The following PPM1H variants were observed in gnomAD, a reference collection of about 807,000 sequenced individuals.
The protein encoded by PPM1H is protein phosphatase 1H.
In PPM1H, 27 loss-of-function variants were observed where a neutral mutation model predicts 54.9. The observed-to-expected ratio is 0.49, with a 90% CI of 0.36 to 0.68. The LOEUF is 0.68. Ranked by LOEUF, PPM1H falls within the 30% of genes least tolerant of loss-of-function variation. The probability of loss-of-function intolerance (pLI) is 0.00; values close to 1 mark genes in which losing one functional copy is unlikely to be tolerated. For missense variants in PPM1H, 596 were observed against 667.8 expected (o/e 0.89, Z 1.19); for synonymous variants, 305 against 270.8 (o/e 1.13, Z -1.24).
intron 4 of PPM1H, among the ~76,000 whole-genome samples, chr12:62,741,592 C>T (rs1230377350): frequency 6.6e-6 from 1 of 152,198 alleles, no homozygotes; most frequent in African/African-American, 2.4e-5. Context: ...GCTCAGAACG[C>T]CTTCTGTTGT....
chr12:62,684,649 A>C (rs1437192443), intron 8 of PPM1H, among the ~76,000 whole-genome samples: 1 of 152,106 alleles, frequency 6.6e-6, no homozygotes, highest in Non-Finnish European at 1.5e-5. Flanking sequence ...AAACTACCAG[A>C]CTGAGCTGGG....
intron 1 of PPM1H, among the ~76,000 whole-genome samples, chr12:62,907,767 A>T (rs142671940): frequency 6.6e-6 from 1 of 152,254 alleles, no homozygotes; most frequent in East Asian, 1.9e-4. Flanking sequence ...ACGTGTGACA[A>T]GCTCTCCATA....
At chr12:62,821,240 T>C (rs1274559972) in intron 2 of PPM1H, among the ~76,000 whole-genome samples, 3 of 151,948 alleles carry the variant, frequency 2.0e-5, no homozygotes, top group Non-Finnish European at 2.9e-5. Flanking sequence ...TAAAAAGAAA[T>C]GAACAAAGCC....
chr12:62,803,727 G>T (rs1334158015), intron 2 of PPM1H, among the ~76,000 whole-genome samples: 1 of 152,114 alleles, frequency 6.6e-6, no homozygotes, highest in African/African-American at 2.4e-5. Context: ...ATGTTTCTGC[G>T]CAGCAAAGGA....
At chr12:62,664,552 C>T (rs1162869530) in intron 9 of PPM1H, among the ~76,000 whole-genome samples, 1 of 152,158 alleles carries the variant, frequency 6.6e-6, no homozygotes, top group African/African-American at 2.4e-5. Context: ...AGCATGTGAG[C>T]TAACACCCCT....
At chr12:62,763,441 C>G (rs1029064999) in intron 4 of PPM1H, among the ~76,000 whole-genome samples, 8 of 152,200 alleles carry the variant, frequency 5.3e-5, no homozygotes, top group African/African-American at 1.9e-4. Context: ...GTCCTGATTT[C>G]AGATCACCTG....
At chr12:62,756,119 G>A in intron 4 of PPM1H, 1 of 880,274 alleles carries the variant, frequency 1.1e-6, no homozygotes, top group Non-Finnish European at 1.9e-6. Flanking sequence ...TTGATGCTGG[G>A]GATGGCATTG....
chr12:62,920,880 A>C (rs1020766399), intron 1 of PPM1H, among the ~76,000 whole-genome samples: 1 of 152,198 alleles, frequency 6.6e-6, no homozygotes, highest in Non-Finnish European at 1.5e-5. Flanking sequence ...ACTTAAATAT[A>C]GAAACTCAAT....
intron 4 of PPM1H, among the ~76,000 whole-genome samples, chr12:62,787,093 G>A (rs148839029): frequency 5.9e-5 from 9 of 152,306 alleles, no homozygotes; most frequent in African/African-American, 1.9e-4. Flanking sequence ...GAGGAACGAA[G>A]GCTGCCTCAG....
At chr12:62,655,737 T>C (rs1469621659) in intron 9 of PPM1H, among the ~76,000 whole-genome samples, 1 of 152,230 alleles carries the variant, frequency 6.6e-6, no homozygotes, top group East Asian at 1.9e-4. Flanking sequence ...CTGGAAGCTG[T>C]GTGTGGAGCA....
At chr12:62,861,527 G>A (rs1869600897) in intron 1 of PPM1H, among the ~76,000 whole-genome samples, 1 of 152,110 alleles carries the variant, frequency 6.6e-6, no homozygotes, top group Non-Finnish European at 1.5e-5. Context: ...CTTTTTGCAG[G>A]TTGCTTTCTC....
chr12:62,682,110 A>C (rs1300190510), intron 8 of PPM1H, among the ~76,000 whole-genome samples: 1 of 152,220 alleles, frequency 6.6e-6, no homozygotes, highest in Admixed American at 6.5e-5. Flanking sequence ...TATGGCCTCC[A>C]GGTTTTTTTG....
intron 1 of PPM1H, among the ~76,000 whole-genome samples, chr12:62,889,324 GGAA>G (rs1161145099): frequency 1.3e-5 from 2 of 152,046 alleles, no homozygotes; most frequent in Admixed American, 6.6e-5. Flanking sequence ...CAATACTGAA[GGAA>G]GAAGAAGAAC....
intron 5 of PPM1H, among the ~76,000 whole-genome samples, chr12:62,726,454 GA>G (rs974207419): frequency 2.5e-4 from 37 of 146,274 alleles, no homozygotes; most frequent in African/African-American, 5.0e-4. Flanking sequence ...ACTTTCATTT[GA>G]AAAAAAAAAC....
At chr12:62,904,220 T>C (rs1215311707) in intron 1 of PPM1H, among the ~76,000 whole-genome samples, 4 of 152,030 alleles carry the variant, frequency 2.6e-5, no homozygotes, top group Non-Finnish European at 2.9e-5. Flanking sequence ...AGCTGTGGGG[T>C]ACAAAATTAG....
chr12:62,824,094 T>A (rs1236025593), intron 2 of PPM1H, among the ~76,000 whole-genome samples: 1 of 151,508 alleles, frequency 6.6e-6, no homozygotes, highest in East Asian at 1.9e-4. Flanking sequence ...CAAGCATTCT[T>A]ATACACCAAT....
chr12:62,890,124 C>T (rs1020221820), intron 1 of PPM1H, among the ~76,000 whole-genome samples: 2 of 152,190 alleles, frequency 1.3e-5, no homozygotes, highest in Non-Finnish European at 2.9e-5. Context: ...CTTTATCAGG[C>T]ATCTCACCAA....
chr12:62,804,076 A>T (rs1424838913), intron 2 of PPM1H, among the ~76,000 whole-genome samples: 1 of 152,220 alleles, frequency 6.6e-6, no homozygotes, highest in Admixed American at 6.5e-5. Flanking sequence ...TCATGGTGAA[A>T]TACTGCATGC....
chr12:62,724,073 T>C (rs1223072969), intron 5 of PPM1H, among the ~76,000 whole-genome samples: 1 of 152,146 alleles, frequency 6.6e-6, no homozygotes, highest in Non-Finnish European at 1.5e-5. Context: ...GATGCCAAGA[T>C]GATGCTGAAC....
Sources: allele counts gnomAD v4.1 joint callset (sites outside exome capture counted in the v4.1 genomes callset), GRCh38; gene constraint gnomAD v4.1.1; transcripts MANE v1.5; gene names NCBI Gene and HGNC (gene_info 2026-07-23, HGNC 2026-07-21).